The following FGF13 variants were observed in gnomAD, a reference collection of about 807,000 sequenced individuals.
The protein encoded by FGF13 is fibroblast growth factor homologous factor 2.
Under a neutral mutation model 19.5 loss-of-function variants are expected in FGF13, and 2 were observed. That is an observed-to-expected ratio of 0.10 (90% CI 0.04 to 0.32). The LOEUF is 0.32. FGF13 is among the 10% of genes least tolerant of loss of function. The probability of loss-of-function intolerance (pLI) is 1.00; values close to 1 mark genes in which losing one functional copy is unlikely to be tolerated. For synonymous variants in FGF13, 72 were observed against 76.9 expected (o/e 0.94, Z 0.33); for missense variants, 113 against 192.7 (o/e 0.59, Z 2.45).
intron 3 of FGF13, among the ~76,000 whole-genome samples, chrX:138,810,110 A>G (rs1267046716): frequency 4.5e-5 from 5 of 111,899 alleles, no homozygotes; most frequent in Non-Finnish European, 9.4e-5. Flanking sequence ...GTTCATATGG[A>G]GACAAAAAAG....
Position 138,710,955 on chromosome X carries a change from G to C in FGF13, c.49C>G (p.Arg17Gly). ...CAGGCGTTGGATTTCTCGCGCTCGCGGGCTTGCCTCTTCTGACGGATGAGC... is the reference window on the plus strand; with the variant it reads ...CAGGCGTTGGATTTCTCGCGCTCGCCGGCTTGCCTCTTCTGACGGATGAGC... Reference protein sequence around the residue: ...SSLIRQKRQAREREKSNACKC... With the variant: ...SSLIRQKRQAGEREKSNACKC... Residue 17 changes from arginine to glycine, a missense_variant, in exon 1 of 5, where the codon CGC (arginine) becomes GGC (glycine). Around this residue, in one of 4 missense-constraint regions of FGF13, gnomAD observed 5 missense variants for 28.0 expected, o/e 0.18. Coordinates refer to ENST00000315930, the MANE Select transcript of FGF13 (RefSeq NM_004114.5). 8.3e-7 allele frequency: 1 copy of C among 1,211,668 alleles called. No homozygotes were observed. The highest frequency in any genetic ancestry group is 1.1e-6 in the Non-Finnish European group (1 of 895,537).
At chrX:138,785,398 A>AAGT (rs1406750160) in intron 3 of FGF13, among the ~76,000 whole-genome samples, 6 of 111,553 alleles carry the variant, frequency 5.4e-5, no homozygotes. Context: ...TCTCTTTCAT[A>AAGT]AGTAGTCTAC....
At chrX:138,952,409 C>T (rs1467234132) in intron 1 of FGF13, among the ~76,000 whole-genome samples, 1 of 111,843 alleles carries the variant, frequency 8.9e-6, no homozygotes, top group Non-Finnish European at 1.9e-5. Context: ...TTCCTTACAC[C>T]TTATACAAAA....
intron 1 of FGF13, among the ~76,000 whole-genome samples, chrX:139,146,382 C>T (rs1346441719): frequency 1.8e-5 from 2 of 112,353 alleles, no homozygotes; most frequent in African/African-American, 6.5e-5. Flanking sequence ...CTCATCATCA[C>T]CGGCCATCAG....
At chrX:138,778,045 A>G (rs1193795407) in intron 3 of FGF13, among the ~76,000 whole-genome samples, 2 of 112,195 alleles carry the variant, frequency 1.8e-5, no homozygotes, top group East Asian at 5.6e-4. Context: ...AGGTGGGGGT[A>G]GGAGCCAAGA....
chrX:138,866,419 A>G (rs2091323413), intron 1 of FGF13, among the ~76,000 whole-genome samples: 1 of 112,732 alleles, frequency 8.9e-6, no homozygotes, highest in Non-Finnish European at 1.9e-5. Flanking sequence ...AGGACTTTAA[A>G]GTGCCAGGCC....
At chrX:139,083,295 C>A (rs2083382819) in intron 1 of FGF13, among the ~76,000 whole-genome samples, 1 of 111,636 alleles carries the variant, frequency 9.0e-6, no homozygotes, top group African/African-American at 3.3e-5. Context: ...TCCATTATCT[C>A]ATTTGACTCT....
chrX:139,085,163 C>T (rs922574088), intron 1 of FGF13, among the ~76,000 whole-genome samples: 4 of 111,683 alleles, frequency 3.6e-5, no homozygotes, highest in Non-Finnish European at 7.5e-5. Flanking sequence ...ATAACTGGTG[C>T]GGAATCTAAA....
chrX:138,716,506 A>G (rs2090103169), upstream of FGF13: 1 of 111,752 alleles, frequency 8.9e-6, no homozygotes, highest in Non-Finnish European at 1.9e-5. Flanking sequence ...CCTTGAGCCC[A>G]GGAGTTCCAG....
intron 3 of FGF13, among the ~76,000 whole-genome samples, chrX:138,650,855 T>C (rs2089363251): frequency 8.9e-6 from 1 of 111,867 alleles, no homozygotes; most frequent in Admixed American, 9.5e-5. Context: ...CCAGAATTCA[T>C]TCCTCTTATC....
upstream of FGF13, among the ~76,000 whole-genome samples, chrX:138,743,967 T>C (rs1024594165): frequency 1.8e-5 from 2 of 111,070 alleles, no homozygotes; most frequent in Non-Finnish European, 3.8e-5. Flanking sequence ...CAAGATTTTG[T>C]GTTCCTCCTC....
intron 1 of FGF13, among the ~76,000 whole-genome samples, chrX:139,002,364 G>A (rs1163773835): frequency 1.8e-5 from 2 of 111,114 alleles, no homozygotes; most frequent in African/African-American, 6.6e-5. Flanking sequence ...GAACACAAAA[G>A]CTTAAAGATG....
chrX:138,694,599 T>C (rs2089874313), intron 3 of FGF13, among the ~76,000 whole-genome samples: 4 of 107,401 alleles, frequency 3.7e-5, no homozygotes, highest in South Asian at 8.5e-4. Context: ...TACAGGCGCC[T>C]GCCACCAAGC....
At chrX:138,909,263 G>A (rs552876991) in intron 1 of FGF13, among the ~76,000 whole-genome samples, 3 of 111,995 alleles carry the variant, frequency 2.7e-5, no homozygotes, top group African/African-American at 9.7e-5. Flanking sequence ...CACCCGGAGT[G>A]GGAGACTTGA....
chrX:138,677,058 T>C (rs986586989), intron 3 of FGF13, among the ~76,000 whole-genome samples: 1 of 112,506 alleles, frequency 8.9e-6, no homozygotes, highest in Admixed American at 9.4e-5. Flanking sequence ...TCTCTTCAAA[T>C]TTCGTTGATC....
downstream of FGF13, among the ~76,000 whole-genome samples, chrX:138,857,123 A>C (rs992045217): frequency 2.7e-5 from 3 of 111,958 alleles, no homozygotes; most frequent in Admixed American, 2.8e-4. Flanking sequence ...TTTTTGAAAC[A>C]ATCTTCTCAT....
chrX:139,112,437 A>G (rs2083609636), intron 1 of FGF13, among the ~76,000 whole-genome samples: 1 of 112,025 alleles, frequency 8.9e-6, no homozygotes, highest in African/African-American at 3.2e-5. Context: ...ATGCAATTCA[A>G]TGATTTTTCA....
At chrX:138,887,745 T>C (rs1426688472) in intron 1 of FGF13, among the ~76,000 whole-genome samples, 1 of 112,154 alleles carries the variant, frequency 8.9e-6, no homozygotes, top group Non-Finnish European at 1.9e-5. Flanking sequence ...GGGATGATGA[T>C]AGTTACCCTG....
chrX:138,628,565 T>C lies in FGF13; in HGVS notation c.*4285A>G, dbSNP rs1459837064. The C allele has an allele frequency of 8.9e-6, 1 of 112,482 alleles. No homozygotes were observed. Among genetic ancestry groups the C allele is most frequent in the Admixed American group, 9.4e-5 (1 of 10,637 alleles). 9.3% of individuals were successfully genotyped at this position (112,482 alleles called of 1,213,427 possible). A position where few individuals can be genotyped will look rare whatever the true frequency, so the allele number is the denominator to read the frequency against. ...ACCCATGAATGACATCGCATCTAAA[T>C]GAGGCTTCTAAGACACATTCGTATG... On this transcript the variant is annotated 3_prime_UTR_variant, in exon 5 of 5. Transcript: ENST00000315930.
Sources: allele counts gnomAD v4.1 joint callset (sites outside exome capture counted in the v4.1 genomes callset), GRCh38; gene constraint gnomAD v4.1.1; regional missense constraint gnomAD v4.1.1; transcripts MANE v1.5; gene names NCBI Gene and HGNC (gene_info 2026-07-23, HGNC 2026-07-21).